NOX5: variants seen among roughly 807,000 people sequenced by gnomAD.
The protein encoded by NOX5 is NADPH oxidase 5.
NOX5 carries 76 observed loss-of-function variants against 85.7 expected under a neutral mutation model. The ratio of observed to expected loss-of-function variants is 0.89; its 90% CI spans 0.74 to 1.07. NOX5 has a LOEUF of 1.07. NOX5 is among the 50% of genes least tolerant of loss of function. The pLI is 0.00. For synonymous variants in NOX5, 405 were observed against 401.4 expected, an observed-to-expected ratio of 1.01 and a Z score of -0.11; for missense variants, 973 against 999.5, an observed-to-expected ratio of 0.97 and a Z score of 0.36.
chr15:69,047,758 C>T lies in NOX5; in HGVS notation c.1818-72C>T, dbSNP rs2050693879. On this transcript the variant is annotated intron_variant, in intron 12 of 15. Coordinates refer to ENST00000388866, the MANE Select transcript of NOX5 (RefSeq NM_024505.4). ...GCCACCCCATCCTTGCTCCCTGTCC[C>T]CTGAACTGTTCTCTGGGGTCCTGAA... 4.9e-5 allele frequency: 75 copies of T among 1,528,370 alleles called. 2 individuals carry two copies. The South Asian group carries it at 7.7e-4, about 16-fold the overall frequency. 94.7% of individuals were successfully genotyped at this position (1,528,370 alleles called of 1,614,324 possible). A position where few individuals can be genotyped will look rare whatever the true frequency, so the allele number is the denominator to read the frequency against.
rs796168439 is a variant in NOX5 at position 69,022,681 on chromosome 15, G to GA, written c.51-3838dup. On this transcript the variant is annotated intron_variant, in intron 1 of 15. Transcript: ENST00000388866. The stretch of plus-strand genomic sequence containing the variant: ...GCTTCCAACAACTGTGATGAATTGT[G>GA]AAAAAAAAATGAATAGATAAATATG... 279 of 184,592 alleles carry GA rather than the reference G, an allele frequency of 1.5e-3. 1 individual carries two copies. The highest frequency in any genetic ancestry group is 4.1e-3 in the Middle Eastern group (2 of 488). The allele number at this position is 184,592 out of a possible 1,614,324, so 11.4% of individuals were successfully genotyped here.
rs988134540 is a variant in NOX5 at position 69,056,963 on chromosome 15, G to A, written c.*267G>A. The stretch of plus-strand genomic sequence containing the variant: ...AGTGAGGGAACCAGAGGCTGGTCAC[G>A]GGAGCTTGGGGGTGGGGTTCGAGGG... On this transcript the variant is annotated 3_prime_UTR_variant, in exon 16 of 16. Transcript: ENST00000388866. The A allele has an allele frequency of 6.4e-5, 19 of 297,898 alleles. No individual in the cohort carries two copies. The South Asian group carries it at 1.3e-3, about 20-fold the overall frequency. The allele number at this position is 297,898 out of a possible 1,614,324, so 18.5% of individuals were successfully genotyped here.
In NOX5 at chr15:69,059,290, G is replaced by A. The variant is rs2050849437; in HGVS notation, c.*2594G>A. The A allele has an allele frequency of 6.6e-6, 1 of 152,150 alleles. No homozygotes were observed. Among genetic ancestry groups the A allele is most frequent in the Non-Finnish European group, 1.5e-5 (1 of 68,042 alleles). The allele number at this position is 152,150 out of a possible 1,614,324, so 9.4% of individuals were successfully genotyped here. ...CGCTGCAGAATCACGGATCTCAAGC[G>A]GGTTTGTTTCCCAGGAAGTGAGACT... On this transcript the variant is annotated 3_prime_UTR_variant, in exon 16 of 16. Transcript: ENST00000388866.
At chr15:69,032,489 CA>C (rs1434662353) in intron 4 of NOX5, among the ~76,000 whole-genome samples, 2 of 151,874 alleles carry the variant, frequency 1.3e-5, no homozygotes, top group East Asian at 3.9e-4. Flanking sequence ...CGGCTCACCG[CA>C]ACCTCCGCCT....
rs748406605 is a variant in NOX5 at position 69,031,815 on chromosome 15, A to T, written c.620+3A>T. The T allele has an allele frequency of 6.3e-7, 1 of 1,592,562 alleles. No homozygotes were observed. The highest frequency in any genetic ancestry group is 1.3e-5 in the African/African-American group (1 of 74,648). ...GTCATGGAGAACCTGACCATCAGGT[A>T]CGGCCGGGTCTCGGGCATTGGCACT... is the stretch of plus-strand genomic sequence containing the variant. On this transcript the variant is annotated splice_donor_region_variant and intron_variant, in intron 4 of 15. Transcript: ENST00000388866.
chr15:69,036,737 G>A (rs569559660), intron 7 of NOX5, among the ~76,000 whole-genome samples: 44 of 152,268 alleles, frequency 2.9e-4, no homozygotes, highest in African/African-American at 9.4e-4. Context: ...CGGGGGTAGC[G>A]ATACTGATGC....
rs760168746 is a variant in NOX5, at chr15:69,047,564, C to T, written c.1817+27C>T. ...TGGGTGAACAGTGTGCTCCTGCCTGCATCCTGGGTCAGAGCCCCAAGGCGC... is the reference window on the plus strand; with the variant it reads ...TGGGTGAACAGTGTGCTCCTGCCTGTATCCTGGGTCAGAGCCCCAAGGCGC... On this transcript the variant is annotated intron_variant, in intron 12 of 15. Transcript: ENST00000388866. 40 of 1,603,178 alleles carry T rather than the reference C, an allele frequency of 2.5e-5. No individual in the cohort carries two copies. The African/African-American group carries it at 4.0e-4, about 16-fold the overall frequency.
chr15:69,035,879 G>GCTC lies in NOX5; in HGVS notation c.1138_1140dup (p.Leu380dup), dbSNP rs1567099963. 2 of 1,614,124 alleles carry GCTC rather than the reference G, an allele frequency of 1.2e-6. No individual in the cohort carries two copies. The highest frequency in any genetic ancestry group is 1.1e-5 in the South Asian group (1 of 91,080). On this transcript the variant is annotated inframe_insertion, in exon 7 of 16. Coordinates refer to ENST00000388866, the MANE Select transcript of NOX5 (RefSeq NM_024505.4). Reference sequence around the variant, plus strand: ...CGACAGGTGTCGCTCTGCTGCTGCTGCTCCTCCTCATGTTCATCTGCTCCA... The same window carrying GCTC: ...CGACAGGTGTCGCTCTGCTGCTGCTGCTCCTCCTCCTCATGTTCATCTGCTCCA...
chr15:69,023,080 A>G (rs1426149247), intron 1 of NOX5: 4 of 433,224 alleles, frequency 9.2e-6, no homozygotes, highest in African/African-American at 4.2e-5. Context: ...TGTGAGTTCA[A>G]TAATAACCCT....
chr15:69,047,370 C>T (rs1422356526), intron 11 of NOX5, 43 bp from the exon 12 acceptor site: 8 of 1,508,562 alleles, frequency 5.3e-6, no homozygotes, highest in Non-Finnish European at 2.7e-6. Context: ...GGGAGACCAG[C>T]GTCACCCCCC....
rs1392098336 is a variant in NOX5 at position 69,031,521 on chromosome 15, G to C, written c.329G>C (p.Cys110Ser). ...FLFQVYDIDVCARQGASAGTE... is the reference protein window; with the variant it reads ...FLFQVYDIDVSARQGASAGTE... Reference sequence around the variant, plus strand: ...AGAGGCCCACCACTTCTTGCAGTGTGTGCACGGCAGGGGGCGTCTGCAGGT... The same window carrying C: ...AGAGGCCCACCACTTCTTGCAGTGTCTGCACGGCAGGGGGCGTCTGCAGGT... The change falls in exon 4 of 16, where the codon TGT becomes TCT. Residue 110 changes from cysteine to serine, a missense_variant. Coordinates refer to ENST00000388866, the MANE Select transcript of NOX5 (RefSeq NM_024505.4). 1.2e-6 allele frequency: 2 copies of C among 1,605,926 alleles called. No individual in the cohort carries two copies. The highest frequency in any genetic ancestry group is 1.7e-6 in the Non-Finnish European group (2 of 1,176,852).
intron 14 of NOX5, 108 bp downstream of exon 14, chr15:69,049,166 TTTAACCA>T: frequency 1.6e-6 from 1 of 610,350 alleles, no homozygotes; most frequent in Non-Finnish European, 2.7e-6. Context: ...AAATGAACCA[TTTAACCA>T]TTAAAGTGAA....
chr15:69,047,343 A>T, intron 11 of NOX5, 70 bp from the exon 12 acceptor site: 2 of 1,485,016 alleles, frequency 1.3e-6, no homozygotes, highest in South Asian at 2.9e-5. Flanking sequence ...AGCCCTGGGG[A>T]CATCCCCTGG....
In NOX5 at chr15:69,049,270, C is replaced by T. The variant is rs186706143; in HGVS notation, c.1999+212C>T. ...GCAGTAGCACGATTATGGCTCGCTG[C>T]AGCCTCCACCTCCCAGGCTCAAGCA... is the stretch of plus-strand genomic sequence containing the variant. On this transcript the variant is annotated intron_variant, in intron 14 of 15. Coordinates refer to ENST00000388866, the MANE Select transcript of NOX5 (RefSeq NM_024505.4). Among the ~76,000 whole-genome samples, 369 of 150,972 alleles carry T rather than the reference C, an allele frequency of 2.4e-3. 4 individuals carry two copies. The highest frequency in any genetic ancestry group is 8.8e-3 in the African/African-American group (360 of 41,056).
chr15:69,047,160 C>A, intron 11 of NOX5: 2 of 576,882 alleles, frequency 3.5e-6, no homozygotes, highest in Non-Finnish European at 6.0e-6. Flanking sequence ...ACGGCACACA[C>A]CCCAGGGATG....
chr15:69,019,404 A>G (rs1462166139), intron 1 of NOX5, among the ~76,000 whole-genome samples: 1 of 152,228 alleles, frequency 6.6e-6, no homozygotes, highest in Admixed American at 6.5e-5. Flanking sequence ...ATTGTACTAC[A>G]ATTTTGTGAG....
chr15:69,035,855 G>T lies in NOX5; in HGVS notation c.1107G>T (p.Pro369=). Residue 369 remains proline (P), a synonymous_variant, in exon 7 of 16, where the codon CCG becomes CCT. Coordinates refer to ENST00000388866, the MANE Select transcript of NOX5 (RefSeq NM_024505.4). ...GIGWVHGSAS[P]TGVALLLLLL... ...GCTGGGTACACGGTTCGGCCTCCCC[G>T]ACAGGTGTCGCTCTGCTGCTGCTGC... 1 of 1,614,100 alleles carries T rather than the reference G, an allele frequency of 6.2e-7. No individual in the cohort carries two copies. Among genetic ancestry groups the T allele is most frequent in the East Asian group, 2.2e-5 (1 of 44,882 alleles).
chr15:69,040,443 G>A (rs1015681355), intron 9 of NOX5, among the ~76,000 whole-genome samples: 4 of 152,166 alleles, frequency 2.6e-5, no homozygotes, highest in Admixed American at 2.6e-4. Flanking sequence ...CTAATCAGAT[G>A]GAGAGATTTT....
chr15:69,055,208 C>G (rs190503414), intron 14 of NOX5, 126 bp from the exon 15 acceptor site: 58 of 1,022,418 alleles, frequency 5.7e-5, no homozygotes, highest in Admixed American at 3.1e-4. Flanking sequence ...GGTTACACAA[C>G]AGATCCTGGG....
Sources: gnomAD v4.1 joint callset for allele counts (sites outside exome capture counted in the v4.1 genomes callset) on GRCh38, gnomAD v4.1.1 for gene constraint, MANE v1.5 for transcripts, NCBI Gene and HGNC (gene_info 2026-07-23, HGNC 2026-07-21) for gene names.